The following PFKFB4 variants were observed in gnomAD, a reference collection of about 807,000 sequenced individuals.
PFKFB4 encodes 6-phosphofructo-2-kinase/fructose-2,6-bisphosphatase 4.
Under a neutral mutation model 62.8 loss-of-function variants are expected in PFKFB4, and 42 were observed. The observed-to-expected ratio is 0.67, with a 90% CI of 0.52 to 0.86. The LOEUF is 0.86. Ranked by LOEUF, PFKFB4 falls within the 40% of genes least tolerant of loss-of-function variation. PFKFB4 has a pLI of 0.00. For synonymous variants in PFKFB4, 204 were observed against 240.7 expected, an observed-to-expected ratio of 0.85 and a Z score of 1.41; for missense variants, 475 against 627.2, an observed-to-expected ratio of 0.76 and a Z score of 2.59.
intron 3 of PFKFB4, among the ~76,000 whole-genome samples, chr3:48,544,732 T>G (rs1002623925): frequency 6.6e-6 from 1 of 152,118 alleles, no homozygotes; most frequent in Non-Finnish European, 1.5e-5. Context: ...AGGTTTGTTT[T>G]TTTTTTTAGA....
At chr3:48,549,823 C>T in intron 3 of PFKFB4, 41 bp downstream of exon 3, 1 of 1,245,070 alleles carries the variant, frequency 8.0e-7, no homozygotes, top group Non-Finnish European at 1.2e-6. Flanking sequence ...ACACTGGGTC[C>T]CCCAGCAACC....
chr3:48,550,266 G>A (rs768253766), intron 1 of PFKFB4, 32 bp from the exon 2 acceptor site: 10 of 1,431,932 alleles, frequency 7.0e-6, no homozygotes, highest in Admixed American at 5.0e-5. Flanking sequence ...GTCAGATGAG[G>A]GCTGGGACCC....
At chr3:48,529,975 A>C (rs2042382943) in intron 9 of PFKFB4, among the ~76,000 whole-genome samples, 1 of 152,078 alleles carries the variant, frequency 6.6e-6, no homozygotes, top group African/African-American at 2.4e-5. Flanking sequence ...AAAATAGGCC[A>C]GGCATAGTGG....
intron 3 of PFKFB4, chr3:48,548,785 T>C (rs2043040370): frequency 6.6e-6 from 1 of 152,202 alleles, no homozygotes; most frequent in African/African-American, 2.4e-5. Context: ...TACCCACAAT[T>C]TGGCCATAGA....
rs1190881182 is a variant in PFKFB4 at position 48,556,056 on chromosome 3, G to A, written c.97+625C>T. 4.4e-6 allele frequency: 2 copies of A among 456,094 alleles called. No individual in the cohort carries two copies. The highest frequency in any genetic ancestry group is 4.7e-5 in the Admixed American group (2 of 42,552). The allele number at this position is 456,094 out of a possible 1,614,324, so 28.3% of individuals were successfully genotyped here. Reference sequence around the variant, plus strand: ...AGCTGTTTCACTCTCCAGTTTTACTGTACACCCATGACCCCAGGTGGATAC... The same window carrying A: ...AGCTGTTTCACTCTCCAGTTTTACTATACACCCATGACCCCAGGTGGATAC... On this transcript the variant is annotated intron_variant, in intron 1 of 13. Transcript: ENST00000232375. This position sits in a 1 kb window ranked among gnomAD's most constrained non-coding sequence, Gnocchi z 5.7.
intron 1 of PFKFB4, among the ~76,000 whole-genome samples, chr3:48,550,559 G>A (rs2043110993): frequency 1.3e-5 from 2 of 152,238 alleles, no homozygotes; most frequent in Non-Finnish European, 1.5e-5. Context: ...GGTCCCCACC[G>A]CATGAAGGAC....
At chr3:48,561,143 G>T, upstream of PFKFB4, 1 of 1,242,788 alleles carries the variant, frequency 8.0e-7, no homozygotes, top group Non-Finnish European at 1.0e-6. The surrounding 1 kb of genome is among the most constrained non-coding windows in gnomAD (Gnocchi z 5.2). Context: ...CAGGGCCACT[G>T]CCCCCTGCAG....
chr3:48,549,932 G>A lies in PFKFB4; in HGVS notation c.243C>T (p.Asp81=), dbSNP rs180944698. 1.5e-5 allele frequency: 24 copies of A among 1,613,580 alleles called. No individual in the cohort carries two copies. Among genetic ancestry groups the A allele is most frequent in the East Asian group, 6.7e-5 (3 of 44,882 alleles). The change falls in exon 3 of 14, where the codon GAC becomes GAT. Residue 81 remains aspartate, a synonymous_variant. Transcript: ENST00000232375. ...REFNVGQYRR[D]VVKTYKSFEF... is the part of the protein sequence containing the mutation. ...CAAAAGATTTGTAGGTCTTGACCAC[G>A]TCCCGGCGATACTGGCCAACATTGA...
At chr3:48,555,259 C>T (rs2043278808) in intron 1 of PFKFB4, among the ~76,000 whole-genome samples, 1 of 152,162 alleles carries the variant, frequency 6.6e-6, no homozygotes, top group Non-Finnish European at 1.5e-5. Context: ...GGACCTACAT[C>T]ACAATCAAAG....
chr3:48,537,714 G>A (rs964571806), intron 7 of PFKFB4, among the ~76,000 whole-genome samples: 4 of 151,358 alleles, frequency 2.6e-5, no homozygotes, highest in Admixed American at 6.6e-5. Context: ...TTGTAGAGAC[G>A]GGGTTTCACC....
At position 48,521,935 on chromosome 3, in the gene PFKFB4, C is replaced by A. The variant is rs374214428; in HGVS notation, c.1350+51G>T. The A allele has an allele frequency of 3.4e-6, 5 of 1,459,866 alleles. No homozygotes were observed. Among genetic ancestry groups the A allele is most frequent in the Non-Finnish European group, 4.8e-6 (5 of 1,039,046 alleles). 90.4% of individuals were successfully genotyped at this position (1,459,866 alleles called of 1,614,324 possible). A position where few individuals can be genotyped will look rare whatever the true frequency, so the allele number is the denominator to read the frequency against. The stretch of plus-strand genomic sequence containing the variant: ...GGCCCTGGAGGATGTGCAGTCTGGA[C>A]ACCCCCACATCAGGAACACCCCGCT... On this transcript the variant is annotated intron_variant, in intron 13 of 13. Coordinates refer to ENST00000232375, the MANE Select transcript of PFKFB4 (RefSeq NM_004567.4). This position sits in a 1 kb window ranked among gnomAD's most constrained non-coding sequence, Gnocchi z 5.3.
At chr3:48,563,042 A>G, upstream of PFKFB4, 1 of 1,612,074 alleles carries the variant, frequency 6.2e-7, no homozygotes, top group Non-Finnish European at 8.5e-7. This position sits in a 1 kb window ranked among gnomAD's most constrained non-coding sequence, Gnocchi z 4.5. Flanking sequence ...GCGGAGCTGG[A>G]AGGTTGGGAT....
At chr3:48,555,634 C>T (rs1182176145) in intron 1 of PFKFB4, among the ~76,000 whole-genome samples, 1 of 152,192 alleles carries the variant, frequency 6.6e-6, no homozygotes, top group African/African-American at 2.4e-5. Context: ...AGGACCCACG[C>T]CTGTAATCTC....
chr3:48,519,791 T>C lies in PFKFB4; in HGVS notation c.1366A>G (p.Arg456Gly). 3 of 1,613,740 alleles carry C rather than the reference T, an allele frequency of 1.9e-6. No homozygotes were observed. Among genetic ancestry groups the C allele is most frequent in the Non-Finnish European group, 2.5e-6 (3 of 1,179,710 alleles). ...RDRPQNVDIS[R>G]PPEEALVTVP... ...GTGACAAGGGCTTCCTCTGGAGGTC[T>C]TGAGATGTCCACGTTCTGTACAATA... The change falls in exon 14 of 14, where the codon AGA (arginine) becomes GGA (glycine). Residue 456 changes from arginine (R) to glycine (G), a missense_variant. Transcript: ENST00000232375.
At chr3:48,533,943 A>C (rs2042511580) in intron 9 of PFKFB4, among the ~76,000 whole-genome samples, 1 of 152,232 alleles carries the variant, frequency 6.6e-6, no homozygotes, top group African/African-American at 2.4e-5. Context: ...GAAGGGAAGC[A>C]AGCTGAGGGG....
intron 9 of PFKFB4, among the ~76,000 whole-genome samples, chr3:48,534,215 T>TA (rs1405310277): frequency 4.6e-5 from 7 of 151,778 alleles, no homozygotes; most frequent in Non-Finnish European, 1.0e-4. Flanking sequence ...CAGAAGAAAT[T>TA]AAAAAACCAG....
upstream of PFKFB4, chr3:48,556,822 G>A (rs1489615843): frequency 6.4e-7 from 1 of 1,562,514 alleles, no homozygotes; most frequent in African/African-American, 1.4e-5. This position sits in a 1 kb window ranked among gnomAD's most constrained non-coding sequence, Gnocchi z 5.7. Context: ...CAACCCAGCA[G>A]CCGGGCCACC....
At chr3:48,527,018 G>A (rs1301414674) in intron 9 of PFKFB4, among the ~76,000 whole-genome samples, 1 of 152,010 alleles carries the variant, frequency 6.6e-6, no homozygotes, top group African/African-American at 2.4e-5. Context: ...GATGACCGTG[G>A]ACAGAGGTGG....
At chr3:48,541,724 C>T (rs972024498) in intron 4 of PFKFB4, among the ~76,000 whole-genome samples, 1 of 152,140 alleles carries the variant, frequency 6.6e-6, no homozygotes, top group African/African-American at 2.4e-5. Context: ...CTAACACTTT[C>T]GGAGGCTGGG....
Sources: allele counts gnomAD v4.1 joint callset (sites outside exome capture counted in the v4.1 genomes callset), GRCh38; gene constraint gnomAD v4.1.1; non-coding constraint Gnocchi (gnomAD v3.1); transcripts MANE v1.5; gene names NCBI Gene and HGNC (gene_info 2026-07-23, HGNC 2026-07-21).